The following CCDC171 variants were observed in gnomAD, a reference collection of about 807,000 sequenced individuals.
CCDC171 encodes the protein coiled-coil domain containing 171.
In CCDC171, 177 loss-of-function variants were observed where a neutral mutation model predicts 168.2. The observed-to-expected ratio is 1.05, with a 90% CI of 0.93 to 1.19. The LOEUF (loss-of-function observed/expected upper bound fraction) is 1.19, where lower values mean the gene tolerates loss of function less well. Ranked by LOEUF, CCDC171 falls within the 50% of genes most tolerant of loss-of-function variation. The pLI is 0.00. For missense variants in CCDC171, 1,991 were observed against 1,539.0 expected (o/e 1.29, Z -4.91); for synonymous variants, 687 against 540.8 (o/e 1.27, Z -3.75).
At chr9:15,737,782 A>G (rs2054593220) in intron 16 of CCDC171, among the ~76,000 whole-genome samples, 1 of 151,886 alleles carries the variant, frequency 6.6e-6, no homozygotes, top group Admixed American at 6.6e-5. Flanking sequence ...GGGCTTGAGA[A>G]TGTGTGTGTG....
chr9:15,800,892 T>A (rs1214075161), intron 21 of CCDC171, among the ~76,000 whole-genome samples: 2 of 152,168 alleles, frequency 1.3e-5, no homozygotes, highest in African/African-American at 4.8e-5. Context: ...GTTTATGTTC[T>A]TAGCACCTTT....
Position 16,055,953 on chromosome 9 carries a change from A to C in CCDC171, n.90-4693A>C, listed in dbSNP as rs1458824596. ...TCAAACGTGTACCCTCTATATGCCA[A>C]CAATTGGGTAATGAAATATTCTGCA... On this transcript the variant is annotated intron_variant and non_coding_transcript_variant, in intron 1 of 1. Coordinates refer to the CCDC171 transcript ENST00000478913. Among the ~76,000 whole-genome samples the C allele has an allele frequency of 2.0e-5, 3 of 152,368 alleles. No individual in the cohort carries two copies. The South Asian group carries it at 6.2e-4, about 32-fold the overall frequency.
chr9:15,950,198 C>G (rs1163173542), intron 25 of CCDC171, among the ~76,000 whole-genome samples: 2 of 151,994 alleles, frequency 1.3e-5, no homozygotes, highest in Admixed American at 6.6e-5. Context: ...TGGAAACACT[C>G]TGCAGGATAT....
chr9:15,944,516 C>A (rs749176288), intron 25 of CCDC171, among the ~76,000 whole-genome samples: 3 of 151,956 alleles, frequency 2.0e-5, no homozygotes, highest in Non-Finnish European at 2.9e-5. Flanking sequence ...TCAATACTTA[C>A]AACACTCTTA....
intron 3 of CCDC171, among the ~76,000 whole-genome samples, 181 bp downstream of exon 3, chr9:15,571,940 A>T (rs2040258298): frequency 6.6e-6 from 1 of 152,192 alleles, no homozygotes; most frequent in African/African-American, 2.4e-5. Flanking sequence ...GTTAAAGTAG[A>T]ACTTTAATGA....
intron 25 of CCDC171, among the ~76,000 whole-genome samples, chr9:15,921,948 A>T (rs1360940799): frequency 6.6e-6 from 1 of 151,620 alleles, no homozygotes; most frequent in African/African-American, 2.4e-5. Flanking sequence ...TTGTATTTTA[A>T]GAAGACCAAA....
intron 25 of CCDC171, among the ~76,000 whole-genome samples, chr9:15,950,281 A>G (rs1399043581): frequency 1.3e-5 from 2 of 152,240 alleles, no homozygotes; most frequent in South Asian, 2.1e-4. Flanking sequence ...GAACACCACA[A>G]AGATACTCCT....
chr9:15,773,141 A>T (rs979410517), intron 18 of CCDC171, among the ~76,000 whole-genome samples: 4 of 152,178 alleles, frequency 2.6e-5, no homozygotes, highest in Non-Finnish European at 5.9e-5. Context: ...CATTTTAATA[A>T]GAAAAAATGT....
chr9:15,588,341 G>A, intron 4 of CCDC171: 1 of 232,950 alleles, frequency 4.3e-6, no homozygotes, highest in South Asian at 6.0e-5. Context: ...CTACGTCTTA[G>A]CAGCATTACC....
chr9:15,920,463 CTT>C (rs773801112), intron 25 of CCDC171, 41 bp downstream of exon 25: 2 of 1,409,872 alleles, frequency 1.4e-6, no homozygotes, highest in Non-Finnish European at 2.0e-6. Context: ...CTTTTTGAAT[CTT>C]GGGTTACATT....
intron 24 of CCDC171, among the ~76,000 whole-genome samples, chr9:15,899,083 A>AGTTGG (rs1372934681): frequency 6.6e-6 from 1 of 152,136 alleles, no homozygotes; most frequent in African/African-American, 2.4e-5. Context: ...TGACTTTTTG[A>AGTTGG]GTTGGCTTTT....
intron 23 of CCDC171, among the ~76,000 whole-genome samples, chr9:15,857,705 T>C (rs192285510): frequency 2.6e-4 from 40 of 152,084 alleles, no homozygotes; most frequent in African/African-American, 8.4e-4. Flanking sequence ...ATTACAGGCA[T>C]GAGCCACCGT....
At chr9:15,601,364 C>T (rs190320711) in intron 6 of CCDC171, among the ~76,000 whole-genome samples, 2 of 152,226 alleles carry the variant, frequency 1.3e-5, no homozygotes, top group East Asian at 1.9e-4. Context: ...TTGAAAATAC[C>T]AATGAAACCA....
intron 6 of CCDC171, among the ~76,000 whole-genome samples, chr9:15,621,807 C>T (rs925262076): frequency 6.6e-6 from 1 of 152,140 alleles, no homozygotes. Flanking sequence ...AGAAATTGTT[C>T]TACCACAAAG....
intron 3 of CCDC171, among the ~76,000 whole-genome samples, chr9:16,010,588 C>G (rs960109685): frequency 6.6e-6 from 1 of 152,150 alleles, no homozygotes; most frequent in Non-Finnish European, 1.5e-5. Context: ...CCACTCAGCT[C>G]TTTTCCTTTC....
chr9:15,666,404 A>G, intron 9 of CCDC171, 81 bp downstream of exon 9: 2 of 932,908 alleles, frequency 2.1e-6, no homozygotes, highest in Non-Finnish European at 3.1e-6. Context: ...TATACTATGT[A>G]TTTTAGATAT....
chr9:15,583,968 A>G (rs1262608243), intron 4 of CCDC171, among the ~76,000 whole-genome samples: 1 of 152,088 alleles, frequency 6.6e-6, no homozygotes, highest in Non-Finnish European at 1.5e-5. Flanking sequence ...CCCGGGTTCA[A>G]GCAATTCTCT....
chr9:15,805,998 T>C (rs1011331439), intron 21 of CCDC171, among the ~76,000 whole-genome samples: 34 of 152,160 alleles, frequency 2.2e-4, no homozygotes, highest in African/African-American at 8.0e-4. Context: ...TGTCTTTCTT[T>C]GTCTTTTTTG....
intron 15 of CCDC171, among the ~76,000 whole-genome samples, chr9:15,728,680 A>G (rs2053968391): frequency 6.6e-6 from 1 of 152,104 alleles, no homozygotes; most frequent in Admixed American, 6.6e-5. Context: ...TGGTCATAGA[A>G]AATTACAGTG....
Sources: allele counts gnomAD v4.1 joint callset (sites outside exome capture counted in the v4.1 genomes callset), GRCh38; gene constraint gnomAD v4.1.1; transcripts MANE v1.5; gene names NCBI Gene and HGNC (gene_info 2026-07-23, HGNC 2026-07-21).